Variants in ABHD10 observed in about 807,000 individuals in gnomAD.
ABHD10 encodes the protein abhydrolase domain containing 10, depalmitoylase, also known as palmitoyl-protein thioesterase ABHD10, mitochondrial.
A neutral mutation model predicts 33.1 loss-of-function variants in ABHD10; 22 were observed. That is an observed-to-expected ratio of 0.66 (90% confidence interval 0.47 to 0.95). ABHD10 has a LOEUF of 0.95. Among genes scored for constraint, ABHD10 ranks in the 40% least tolerant of loss-of-function variants. The probability of loss-of-function intolerance (pLI) is 0.00; values close to 1 mark genes in which losing one functional copy is unlikely to be tolerated. For synonymous variants in ABHD10, 146 were observed against 133.9 expected (o/e 1.09, Z -0.62); for missense variants, 352 against 379.9 (o/e 0.93, Z 0.61).
chr3:111,988,465 T>G (rs1330308681), intron 4 of ABHD10, among the ~76,000 whole-genome samples: 3 of 152,186 alleles, frequency 2.0e-5, no homozygotes, highest in Non-Finnish European at 2.9e-5. Flanking sequence ...AATACAGCGC[T>G]TCTTGGGTAG....
At chr3:111,980,124 A>T (rs1464416351) in intron 1 of ABHD10, among the ~76,000 whole-genome samples, 2 of 152,250 alleles carry the variant, frequency 1.3e-5, no homozygotes, top group Non-Finnish European at 1.5e-5. Flanking sequence ...GAATATAATT[A>T]TATGAATCTG....
rs2072588454 is a variant in ABHD10 at position 111,981,806 on chromosome 3, C to T, written c.165C>T (p.Leu55=). Residue 55 remains leucine (L), a synonymous_variant, in exon 2 of 5, where the codon CTC becomes CTT. Transcript: ENST00000273359. ...TAGCTTGTAGACAAAAGACGTCACT[C>T]TCATTCCTTAATCGACCAGACCTTC... ...WLPACRQKTS[L]SFLNRPDLPN... is the part of the protein sequence containing the mutation. The T allele has an allele frequency of 1.3e-6, 2 of 1,577,548 alleles. No homozygotes were observed. The highest frequency in any genetic ancestry group is 1.7e-5 in the Admixed American group (1 of 59,498).
In ABHD10 at chr3:111,986,845, A is replaced by C. The variant is rs550233576; in HGVS notation, c.439-69A>C. 2.4e-3 allele frequency: 2,682 copies of C among 1,133,698 alleles called. 10 individuals are homozygous for C. The highest frequency in any genetic ancestry group is 2.9e-3 in the Non-Finnish European group (2,445 of 829,684). 70.2% of individuals were successfully genotyped at this position (1,133,698 alleles called of 1,614,324 possible). A position where few individuals can be genotyped will look rare whatever the true frequency, so the allele number is the denominator to read the frequency against. On this transcript the variant is annotated intron_variant, in intron 3 of 4. Transcript: ENST00000273359. ...TTTACTTTCTAATTTTTTATTGTAC[A>C]TATTTTGTTTTATGTTTATAACCTG...
chr3:111,979,137 G>A lies in ABHD10; in HGVS notation c.76G>A (p.Gly26Ser), dbSNP rs1490462755. 1.9e-6 allele frequency: 3 copies of A among 1,613,108 alleles called. No individual in the cohort carries two copies. Among genetic ancestry groups the A allele is most frequent in the East Asian group, 2.2e-5 (1 of 44,872 alleles). ...RSWGWAAVPF[G>S]PHRGLSVLLA... ...CTGGGGCTGGGCAGCCGTCCCCTTC[G>A]GTCCCCACCGTGGCCTCAGCGTGCT... is the stretch of plus-strand genomic sequence containing the variant. Residue 26 changes from glycine to serine, a missense_variant, in exon 1 of 5, where the codon GGT becomes AGT. By Grantham distance (56) the Gly-to-Ser change is moderately conservative. Coordinates refer to ENST00000273359, the MANE Select transcript of ABHD10 (RefSeq NM_018394.4).
At position 111,979,137 on chromosome 3, in the gene ABHD10, G is replaced by T. The variant is rs1490462755; in HGVS notation, c.76G>T (p.Gly26Cys). The stretch of plus-strand genomic sequence containing the variant: ...CTGGGGCTGGGCAGCCGTCCCCTTC[G>T]GTCCCCACCGTGGCCTCAGCGTGCT... ...RSWGWAAVPF[G>C]PHRGLSVLLA... Residue 26 changes from glycine to cysteine, a missense_variant, in exon 1 of 5, where the codon GGT becomes TGT. Coordinates refer to ENST00000273359, the MANE Select transcript of ABHD10 (RefSeq NM_018394.4). The T allele has an allele frequency of 1.2e-6, 2 of 1,613,108 alleles. No individual in the cohort carries two copies. The highest frequency in any genetic ancestry group is 3.3e-5 in the Admixed American group (2 of 59,974).
intron 2 of ABHD10, among the ~76,000 whole-genome samples, chr3:111,983,069 A>G (rs570061239): frequency 7.9e-5 from 12 of 152,128 alleles, no homozygotes; most frequent in Non-Finnish European, 1.8e-4. Flanking sequence ...GTACTTGCCT[A>G]TGAGGACCTT....
intron 4 of ABHD10, 55 bp downstream of exon 4, chr3:111,987,106 T>A: frequency 6.4e-7 from 1 of 1,572,024 alleles, no homozygotes; most frequent in Middle Eastern, 2.0e-4. Flanking sequence ...ATACTTCTTC[T>A]GCTCCCTCTT....
chr3:111,981,899 T>G lies in ABHD10; in HGVS notation c.258T>G (p.Ser86=). ...PGIIFIPGYL[S]YMNGTKALAI... is the part of the protein sequence containing the mutation. ...TTATCTTCATCCCTGGCTATCTTTC[T>G]TATATGAATGGTACAAAAGCGTTGG... The change falls in exon 2 of 5, where the codon TCT becomes TCG. Residue 86 remains serine (S), a synonymous_variant. Coordinates refer to ENST00000273359, the MANE Select transcript of ABHD10 (RefSeq NM_018394.4). 4 of 1,608,170 alleles carry G rather than the reference T, an allele frequency of 2.5e-6. No homozygotes were observed. Among genetic ancestry groups the G allele is most frequent in the Non-Finnish European group, 3.4e-6 (4 of 1,175,724 alleles).
chr3:111,987,689 A>G (rs73232040), intron 4 of ABHD10, among the ~76,000 whole-genome samples: 27,799 of 152,272 alleles, frequency 0.18, 2,764 homozygotes, highest in Middle Eastern at 0.24. Context: ...CGGACAAGAA[A>G]AAAAGACTGT....
intron 2 of ABHD10, among the ~76,000 whole-genome samples, chr3:111,984,050 CAT>C (rs1041790525): frequency 6.6e-6 from 1 of 152,026 alleles, no homozygotes; most frequent in African/African-American, 2.4e-5. Context: ...GCATCCTCAC[CAT>C]ATATTTGGAA....
rs781374422 is a variant in ABHD10 at position 111,979,100 on chromosome 3, A to G, written c.39A>G (p.Val13=). ...GCTTGGCAGCTGTGGCGGCCTGGGTACCTTGTCGGAGCTGGGGCTGGGCAG... is the reference window on the plus strand; with the variant it reads ...GCTTGGCAGCTGTGGCGGCCTGGGTGCCTTGTCGGAGCTGGGGCTGGGCAG... ...VARLAAVAAW[V]PCRSWGWAAV... is the part of the protein sequence containing the mutation. Residue 13 remains valine, a synonymous_variant, in exon 1 of 5, where the codon GTA becomes GTG. Transcript: ENST00000273359. 3.1e-6 allele frequency: 5 copies of G among 1,613,276 alleles called. No homozygotes were observed. Among genetic ancestry groups the G allele is most frequent in the Admixed American group, 3.3e-5 (2 of 60,012 alleles).
chr3:111,979,311 C>T (rs527329136), intron 1 of ABHD10, 108 bp downstream of exon 1: 2 of 1,296,892 alleles, frequency 1.5e-6, no homozygotes, highest in Admixed American at 2.8e-5. Context: ...AAAAATGCTC[C>T]TCCCCCTTTC....
intron 2 of ABHD10, among the ~76,000 whole-genome samples, chr3:111,985,870 CA>C (rs2072651266): frequency 6.6e-6 from 1 of 152,148 alleles, no homozygotes; most frequent in African/African-American, 2.4e-5. Context: ...GATCAGGCAC[CA>C]AAGTATGGTA....
intron 2 of ABHD10, among the ~76,000 whole-genome samples, chr3:111,984,170 C>G (rs2107710711): frequency 6.6e-6 from 1 of 152,220 alleles, no homozygotes; most frequent in Non-Finnish European, 1.5e-5. Flanking sequence ...TCTTCCACCC[C>G]TTCTACCCAT....
At chr3:111,980,485 T>C (rs544516789) in intron 1 of ABHD10, among the ~76,000 whole-genome samples, 4 of 152,166 alleles carry the variant, frequency 2.6e-5, no homozygotes, top group African/African-American at 9.6e-5. Context: ...TCATTTAATA[T>C]AAAAAAAGAA....
intron 3 of ABHD10, 126 bp from the exon 4 acceptor site, chr3:111,986,783 TAATCC>T: frequency 6.9e-6 from 5 of 721,376 alleles, no homozygotes; most frequent in Non-Finnish European, 1.1e-5. Flanking sequence ...TTTAAATGTT[TAATCC>T]ATTTTGATAT....
chr3:111,987,198 G>C, intron 4 of ABHD10, 147 bp downstream of exon 4: 1 of 726,062 alleles, frequency 1.4e-6, no homozygotes, highest in Non-Finnish European at 2.2e-6. Context: ...CTGCCTTTCT[G>C]TACACAACCT....
chr3:111,986,501 T>C, intron 3 of ABHD10, 126 bp downstream of exon 3: 2 of 654,882 alleles, frequency 3.1e-6, no homozygotes, highest in South Asian at 3.9e-5. Context: ...AGTGGCGCAA[T>C]CTTGGCTCAC....
chr3:111,982,920 T>G (rs755312521), intron 2 of ABHD10, among the ~76,000 whole-genome samples: 2 of 152,162 alleles, frequency 1.3e-5, no homozygotes, highest in Non-Finnish European at 2.9e-5. Context: ...TTTACCAAAC[T>G]AATGAATTAT....
Sources: allele counts gnomAD v4.1 joint callset (sites outside exome capture counted in the v4.1 genomes callset), GRCh38; gene constraint gnomAD v4.1.1; transcripts MANE v1.5; gene names NCBI Gene and HGNC (gene_info 2026-07-23, HGNC 2026-07-21).